The following GUCY1A2 variants were observed in gnomAD, a reference collection of about 807,000 sequenced individuals.
GUCY1A2 encodes guanylate cyclase 1 soluble subunit alpha 2.
Under a neutral mutation model 63.5 loss-of-function variants are expected in GUCY1A2, and 27 were observed. That is an observed-to-expected ratio of 0.43 (90% confidence interval 0.31 to 0.59). The LOEUF is 0.59. Ranked by LOEUF, GUCY1A2 falls within the 20% of genes least tolerant of loss-of-function variation. GUCY1A2 has a pLI of 0.11. For synonymous variants in GUCY1A2, 364 were observed against 343.5 expected, an observed-to-expected ratio of 1.06 and a Z score of -0.66; for missense variants, 768 against 913.3, an observed-to-expected ratio of 0.84 and a Z score of 2.05.
chr11:106,883,013 A>C (rs758222967), intron 4 of GUCY1A2, among the ~76,000 whole-genome samples: 7 of 152,066 alleles, frequency 4.6e-5, no homozygotes, highest in Non-Finnish European at 1.0e-4. Context: ...CAATATCTCT[A>C]TGTCATCTTC....
chr11:106,973,116 C>T (rs1861217086), intron 3 of GUCY1A2, among the ~76,000 whole-genome samples: 1 of 152,062 alleles, frequency 6.6e-6, no homozygotes, highest in Admixed American at 6.6e-5. Flanking sequence ...CTAATTTACA[C>T]AGAGCCACTA....
chr11:106,983,843 G>A (rs1040808697), intron 2 of GUCY1A2, among the ~76,000 whole-genome samples: 3 of 152,076 alleles, frequency 2.0e-5, no homozygotes, highest in Non-Finnish European at 4.4e-5. Context: ...TCTCAATACA[G>A]GGATTTCAAA....
chr11:106,891,618 G>T (rs1177448261), intron 4 of GUCY1A2, among the ~76,000 whole-genome samples: 1 of 151,982 alleles, frequency 6.6e-6, no homozygotes, highest in Non-Finnish European at 1.5e-5. Flanking sequence ...ATAGGTTCAA[G>T]TTTGTTTTTC....
chr11:106,972,266 G>T (rs901415218), intron 3 of GUCY1A2, among the ~76,000 whole-genome samples: 1 of 152,090 alleles, frequency 6.6e-6, no homozygotes, highest in Non-Finnish European at 1.5e-5. Context: ...CCATATTAAT[G>T]TATGATGTCA....
intron 4 of GUCY1A2, among the ~76,000 whole-genome samples, chr11:106,882,586 A>C (rs1859839736): frequency 6.6e-6 from 1 of 152,032 alleles, no homozygotes; most frequent in Non-Finnish European, 1.5e-5. Context: ...TACAGACACA[A>C]AGCACTCTCC....
At chr11:106,928,887 T>C (rs1860565415) in intron 4 of GUCY1A2, among the ~76,000 whole-genome samples, 2 of 152,236 alleles carry the variant, frequency 1.3e-5, no homozygotes, top group South Asian at 4.1e-4. Flanking sequence ...ATGTGTAGTG[T>C]ATGACTGTAC....
chr11:106,791,950 G>C (rs998569140), intron 5 of GUCY1A2, among the ~76,000 whole-genome samples: 10 of 152,098 alleles, frequency 6.6e-5, no homozygotes, highest in African/African-American at 2.4e-4. Context: ...CATTCTGTAA[G>C]GGCAGCATCA....
chr11:106,710,855 A>G (rs948247044), intron 6 of GUCY1A2, among the ~76,000 whole-genome samples: 17 of 151,944 alleles, frequency 1.1e-4, no homozygotes, highest in African/African-American at 3.9e-4. Context: ...CCAAGTAGCC[A>G]AATATCACCC....
Position 106,680,070 on chromosome 11 carries a change from G to C in GUCY1A2, c.*7479C>G. 4.6e-6 allele frequency: 1 copy of C among 215,358 alleles called. No individual in the cohort carries two copies. The highest frequency in any genetic ancestry group is 9.4e-6 in the Non-Finnish European group (1 of 106,810). 13.3% of individuals were successfully genotyped at this position (215,358 alleles called of 1,614,324 possible). ...GTTACGGAAATTGCCTCTCCTTTAA[G>C]AGTCTCTACATCTTCCTGAATAAAA... On this transcript the variant is annotated 3_prime_UTR_variant, in exon 8 of 8. Coordinates refer to ENST00000526355, the MANE Select transcript of GUCY1A2 (RefSeq NM_000855.3).
At chr11:106,893,040 G>C (rs1167252855) in intron 4 of GUCY1A2, among the ~76,000 whole-genome samples, 1 of 152,100 alleles carries the variant, frequency 6.6e-6, no homozygotes, top group Admixed American at 6.6e-5. Flanking sequence ...TTTCCTGCAA[G>C]GAAAGATGTT....
At chr11:106,891,462 T>C (rs912934414) in intron 4 of GUCY1A2, among the ~76,000 whole-genome samples, 3 of 152,174 alleles carry the variant, frequency 2.0e-5, no homozygotes, top group Non-Finnish European at 4.4e-5. Context: ...AATTTCTAAT[T>C]GTTTTCTGTT....
intron 4 of GUCY1A2, among the ~76,000 whole-genome samples, chr11:106,856,597 T>C (rs1363161906): frequency 1.3e-5 from 2 of 152,320 alleles, no homozygotes; most frequent in Non-Finnish European, 2.9e-5. Context: ...CTATATCCTA[T>C]TACATTTATT....
intron 4 of GUCY1A2, among the ~76,000 whole-genome samples, chr11:106,825,529 A>G (rs1432105505): frequency 6.6e-6 from 1 of 151,642 alleles, no homozygotes; most frequent in Non-Finnish European, 1.5e-5. Context: ...GAATAAGTCC[A>G]TATAATTGTC....
intron 6 of GUCY1A2, among the ~76,000 whole-genome samples, chr11:106,774,848 C>G (rs1446915127): frequency 6.6e-6 from 1 of 152,168 alleles, no homozygotes; most frequent in East Asian, 1.9e-4. Flanking sequence ...ACTTTGTTCT[C>G]TCTTCTTTTC....
intron 3 of GUCY1A2, among the ~76,000 whole-genome samples, chr11:106,955,497 G>A (rs1390646343): frequency 6.6e-6 from 1 of 152,146 alleles, no homozygotes. Flanking sequence ...GGGCAGGACT[G>A]GTGGTAATGA....
At chr11:106,896,021 A>C (rs7944407) in intron 4 of GUCY1A2, among the ~76,000 whole-genome samples, 2 of 145,286 alleles carry the variant, frequency 1.4e-5, no homozygotes, top group African/African-American at 5.1e-5. Flanking sequence ...AAAAAAAAAA[A>C]ATATATATAT....
chr11:106,992,825 C>A (rs1387287304), intron 1 of GUCY1A2, among the ~76,000 whole-genome samples: 1 of 152,002 alleles, frequency 6.6e-6, no homozygotes, highest in African/African-American at 2.4e-5. Flanking sequence ...AATAATTCCA[C>A]TTCCCCTTTC....
intron 6 of GUCY1A2, among the ~76,000 whole-genome samples, chr11:106,764,971 G>GGC (rs1268359774): frequency 3.4e-5 from 1 of 29,504 alleles, no homozygotes; most frequent in Non-Finnish European, 7.0e-5. Flanking sequence ...AGATTTTTTT[G>GGC]GGGGGGGGTT....
intron 6 of GUCY1A2, among the ~76,000 whole-genome samples, chr11:106,765,581 A>G (rs952357606): frequency 6.6e-6 from 1 of 152,140 alleles, no homozygotes; most frequent in Non-Finnish European, 1.5e-5. Context: ...CAAGGCTCCA[A>G]CCAGATTCAT....
Sources: gnomAD v4.1 joint callset for allele counts (sites outside exome capture counted in the v4.1 genomes callset) on GRCh38, gnomAD v4.1.1 for gene constraint, MANE v1.5 for transcripts, NCBI Gene and HGNC (gene_info 2026-07-23, HGNC 2026-07-21) for gene names.